CUL3: variants seen among roughly 807,000 people sequenced by gnomAD.
The protein encoded by CUL3 is cullin-3.
In CUL3, 19 loss-of-function variants were observed where a neutral mutation model predicts 89.1. The ratio of observed to expected loss-of-function variants is 0.21; its 90% CI spans 0.15 to 0.31. The LOEUF (loss-of-function observed/expected upper bound fraction) is 0.31, where lower values mean the gene tolerates loss of function less well. Among genes scored for constraint, CUL3 ranks in the 10% least tolerant of loss-of-function variants. The pLI is 1.00. For missense variants in CUL3, 469 were observed against 942.3 expected, an observed-to-expected ratio of 0.50 and a Z score of 6.58; for synonymous variants, 351 against 308.4, an observed-to-expected ratio of 1.14 and a Z score of -1.45.
intron 15 of CUL3, among the ~76,000 whole-genome samples, chr2:224,475,364 C>T (rs989234889): frequency 3.9e-5 from 6 of 152,068 alleles, no homozygotes; most frequent in Middle Eastern, 3.2e-3. Flanking sequence ...ATTTTACAAA[C>T]GAGGAAAATA....
rs541286807 is a variant in CUL3 at position 224,551,229 on chromosome 2, G to A, written c.264+6430C>T. ...AATTTTTTTTTTTTTTTTTTGAGAC[G>A]GAGTCTCACTCTGTCGCCCAGGCTG... On this transcript the variant is annotated intron_variant, in intron 2 of 15. Coordinates refer to ENST00000264414, the MANE Select transcript of CUL3 (RefSeq NM_003590.5). 1.7e-3 allele frequency among the ~76,000 whole-genome samples: 251 copies of A among 144,442 alleles called. 2 individuals carry two copies. The highest frequency in any genetic ancestry group is 0.015 in the Admixed American group (219 of 14,356). The allele number at this position is 144,442 out of a possible 152,430, so 94.8% of individuals were successfully genotyped here. A position where few individuals can be genotyped will look rare whatever the true frequency, so the allele number is the denominator to read the frequency against.
rs943723826 is a variant in CUL3 at position 224,485,163 on chromosome 2, C to T, written c.1843-3085G>A. 3 of 152,282 alleles carry T rather than the reference C, an allele frequency of 2.0e-5. No individual in the cohort carries two copies. Among genetic ancestry groups the T allele is most frequent in the African/African-American group, 7.2e-5 (3 of 41,450 alleles). The allele number at this position is 152,282 out of a possible 1,614,324, so 9.4% of individuals were successfully genotyped here. ...CCTTGTGTGCCTACACCACCAGGAC[C>T]CTGGGTTTCTAGCACAAAACTGGTC... On this transcript the variant is annotated intron_variant, in intron 13 of 15. Transcript: ENST00000264414. This position sits in a 1 kb window ranked among gnomAD's most constrained non-coding sequence, Gnocchi z 4.1.
At chr2:224,510,219 G>GTT (rs1553522669) in intron 6 of CUL3, among the ~76,000 whole-genome samples, 19 of 105,328 alleles carry the variant, frequency 1.8e-4, no homozygotes, top group Admixed American at 3.7e-4. Context: ...GATGACTTCT[G>GTT]TTTTTTTTTT....
At chr2:224,553,873 G>T (rs557548222) in intron 2 of CUL3, among the ~76,000 whole-genome samples, 47 of 152,298 alleles carry the variant, frequency 3.1e-4, no homozygotes, top group African/African-American at 1.1e-3. Context: ...ATTTGTTACA[G>T]TAGCTTAAGA....
intron 2 of CUL3, among the ~76,000 whole-genome samples, chr2:224,536,982 TCTACA>T (rs1417465835): frequency 2.0e-5 from 3 of 152,210 alleles, no homozygotes; most frequent in Non-Finnish European, 4.4e-5. Context: ...TCTCAATAAC[TCTACA>T]CTAAACAAAA....
chr2:224,541,833 T>A (rs186566506), intron 2 of CUL3, among the ~76,000 whole-genome samples: 383 of 151,864 alleles, frequency 2.5e-3, no homozygotes, highest in Non-Finnish European at 3.4e-3. Flanking sequence ...TATATGACAT[T>A]CTTGAAAAAA....
chr2:224,500,424 A>C lies in CUL3; in HGVS notation c.1549T>G (p.Ser517Ala). The C allele has an allele frequency of 1.2e-6, 2 of 1,614,096 alleles. No individual in the cohort carries two copies. Among genetic ancestry groups the C allele is most frequent in the Non-Finnish European group, 8.5e-7 (1 of 1,179,984 alleles). Reference protein sequence around the residue: ...VLTTGYWPTQSATPKCNIPPA... With the variant: ...VLTTGYWPTQAATPKCNIPPA... Reference sequence around the variant, plus strand: ...GGGATGTTGCACTTTGGTGTGGCTGACTGAGTGGGCCAATATCCTGTCGTG... The same window carrying C: ...GGGATGTTGCACTTTGGTGTGGCTGCCTGAGTGGGCCAATATCCTGTCGTG... The change falls in exon 11 of 16, where the codon TCA becomes GCA. Residue 517 changes from serine (S) to alanine (A), a missense_variant. Transcript: ENST00000264414.
intron 3 of CUL3, among the ~76,000 whole-genome samples, chr2:224,530,566 TACACTTTAGTTCATTTCA>T (rs1203054085): frequency 6.6e-6 from 1 of 152,256 alleles, no homozygotes; most frequent in East Asian, 1.9e-4. Context: ...AATCATTTTG[TACACTTTAGTTCATTTCA>T]ACATACATTA....
chr2:224,497,729 T>C, intron 12 of CUL3, 24 bp downstream of exon 12: 1 of 1,551,512 alleles, frequency 6.4e-7, no homozygotes, highest in Non-Finnish European at 8.9e-7. Context: ...AGTTACTTAA[T>C]ACGTTCAAAC....
At chr2:224,579,122 G>C (rs1345718516) in intron 1 of CUL3, among the ~76,000 whole-genome samples, 1 of 152,040 alleles carries the variant, frequency 6.6e-6, no homozygotes, top group South Asian at 2.1e-4. Context: ...AGAAAGACAA[G>C]ACAAAATAAA....
At chr2:224,497,979 A>C (rs1692228943) in intron 11 of CUL3, 130 bp from the exon 12 acceptor site, 1 of 672,422 alleles carries the variant, frequency 1.5e-6, no homozygotes, top group Admixed American at 2.8e-5. Context: ...AACTTAAAGG[A>C]AACTTTAGGA....
At chr2:224,487,911 T>C (rs188797082) in intron 13 of CUL3, among the ~76,000 whole-genome samples, 83 of 152,250 alleles carry the variant, frequency 5.5e-4, no homozygotes, top group Admixed American at 2.0e-3. Flanking sequence ...CAGACCACAG[T>C]GGAATCAAAT....
intron 5 of CUL3, among the ~76,000 whole-genome samples, chr2:224,513,160 T>G (rs1692903874): frequency 6.6e-6 from 1 of 152,220 alleles, no homozygotes; most frequent in Non-Finnish European, 1.5e-5. Flanking sequence ...ATCAACTGTT[T>G]ATGTTATCTG....
In CUL3 at chr2:224,478,300, C is replaced by T. The variant is rs1280961943; in HGVS notation, c.2075G>A (p.Arg692Lys). ...TTTTCTGTCGTCGTCTACTTTCTGC[C>T]TTGTTTCTTTCCTCTCTGGGTCGGA... ...GESDPERKET[R>K]QKVDDDRKHE... is the part of the protein sequence containing the mutation. Residue 692 changes from arginine (R) to lysine (K), a missense_variant, in exon 15 of 16, where the codon AGG becomes AAG. Around this residue, in one of 4 missense-constraint regions of CUL3, gnomAD observed 65 missense variants for 147.8 expected, o/e 0.44. Transcript: ENST00000264414. 1 of 1,613,624 alleles carries T rather than the reference C, an allele frequency of 6.2e-7. No individual in the cohort carries two copies. The highest frequency in any genetic ancestry group is 8.5e-7 in the Non-Finnish European group (1 of 1,179,742).
chr2:224,572,055 T>C (rs997960314), intron 1 of CUL3, among the ~76,000 whole-genome samples: 1 of 152,206 alleles, frequency 6.6e-6, no homozygotes, highest in African/African-American at 2.4e-5. Flanking sequence ...TGCTCAATAC[T>C]GAGAAATCAT....
chr2:224,568,717 A>C (rs987196581), intron 1 of CUL3, among the ~76,000 whole-genome samples: 1 of 152,184 alleles, frequency 6.6e-6, no homozygotes, highest in Non-Finnish European at 1.5e-5. Flanking sequence ...ATAAATATTA[A>C]CTGGGAAAAA....
chr2:224,582,118 C>T (rs1287013843), intron 1 of CUL3, among the ~76,000 whole-genome samples: 2 of 152,096 alleles, frequency 1.3e-5, no homozygotes, highest in Non-Finnish European at 2.9e-5. Context: ...GCATCCGCCA[C>T]CACGCCCCGC....
rs1300922255 is a variant in CUL3, at chr2:224,503,642, C to T, written c.1377+10G>A. The T allele has an allele frequency of 6.4e-7, 1 of 1,560,544 alleles. No individual in the cohort carries two copies. Among genetic ancestry groups the T allele is most frequent in the African/African-American group, 1.4e-5 (1 of 72,988 alleles). ...TAGGTGCACTCTATTTCATCTAAAA[C>T]ACACCTTACCTTTAACTTAGATATC... On this transcript the variant is annotated intron_variant, in intron 9 of 15. Transcript: ENST00000264414.
chr2:224,576,268 A>G (rs1695295052), intron 1 of CUL3, among the ~76,000 whole-genome samples: 1 of 152,218 alleles, frequency 6.6e-6, no homozygotes. Context: ...TGAGATGCGA[A>G]GAACAGTCAT....
Sources: gnomAD v4.1 joint callset for allele counts (sites outside exome capture counted in the v4.1 genomes callset) on GRCh38, gnomAD v4.1.1 for gene constraint, gnomAD v4.1.1 regional missense constraint, Gnocchi (gnomAD v3.1) non-coding constraint, MANE v1.5 for transcripts, NCBI Gene and HGNC (gene_info 2026-07-23, HGNC 2026-07-21) for gene names.